Variants in NECAB1 observed in about 807,000 individuals in gnomAD.
The protein encoded by NECAB1 is N-terminal EF-hand calcium-binding protein 1.
Under a neutral mutation model 57.5 loss-of-function variants are expected in NECAB1, and 29 were observed. The ratio of observed to expected loss-of-function variants is 0.50; its 90% CI spans 0.38 to 0.69. The LOEUF (loss-of-function observed/expected upper bound fraction) is 0.69, where lower values mean the gene tolerates loss of function less well. Ranked by LOEUF, NECAB1 falls within the 30% of genes least tolerant of loss-of-function variation. NECAB1 has a pLI of 0.00. For missense variants in NECAB1, 372 were observed against 413.8 expected (o/e 0.90, Z 0.88); for synonymous variants, 142 against 147.7 (o/e 0.96, Z 0.28).
At chr8:90,824,586 C>T (rs1402003189) in intron 2 of NECAB1, 131 bp from the exon 3 acceptor site, 1 of 494,280 alleles carries the variant, frequency 2.0e-6, no homozygotes, top group East Asian at 3.2e-5. Context: ...CTTTTTAACA[C>T]CTTCAGCTGT....
intron 3 of NECAB1, among the ~76,000 whole-genome samples, chr8:90,864,644 G>C (rs1364529775): frequency 1.3e-5 from 2 of 151,818 alleles, no homozygotes; most frequent in Admixed American, 6.6e-5. Context: ...AAGATTTGGG[G>C]TCATTATTAT....
chr8:90,874,787 C>T (rs1472690410), intron 4 of NECAB1, among the ~76,000 whole-genome samples: 1 of 152,114 alleles, frequency 6.6e-6, no homozygotes. Context: ...ATACATTATT[C>T]TCACACTCAC....
At chr8:90,929,794 G>T (rs939228326) in intron 8 of NECAB1, among the ~76,000 whole-genome samples, 2 of 151,910 alleles carry the variant, frequency 1.3e-5, no homozygotes, top group South Asian at 2.1e-4. Flanking sequence ...TAAAATTTCA[G>T]TAGAGGATAG....
intron 9 of NECAB1, among the ~76,000 whole-genome samples, chr8:90,937,120 T>C (rs1328327850): frequency 1.3e-5 from 2 of 152,174 alleles, no homozygotes; most frequent in East Asian, 3.8e-4. Flanking sequence ...CTGTTGAGTT[T>C]CCAGGGCCAC....
At chr8:90,833,987 A>AC (rs1342685248) in intron 3 of NECAB1, among the ~76,000 whole-genome samples, 1 of 151,876 alleles carries the variant, frequency 6.6e-6, no homozygotes, top group Non-Finnish European at 1.5e-5. Context: ...ACATGGTGAA[A>AC]CCCCACCTCT....
intron 2 of NECAB1, among the ~76,000 whole-genome samples, chr8:90,811,666 ACT>A: frequency 6.6e-6 from 1 of 152,120 alleles, no homozygotes; most frequent in Non-Finnish European, 1.5e-5. Flanking sequence ...TTCAGAAATT[ACT>A]CTCTTTATCT....
intron 4 of NECAB1, among the ~76,000 whole-genome samples, chr8:90,875,451 G>A (rs1808700637): frequency 1.6e-5 from 2 of 123,152 alleles, no homozygotes; most frequent in Admixed American, 1.1e-4. Context: ...ACTGCAGTCC[G>A]CAGTCCGGCC....
intron 3 of NECAB1, among the ~76,000 whole-genome samples, chr8:90,848,645 A>G (rs1486612077): frequency 6.6e-6 from 1 of 152,214 alleles, no homozygotes. Flanking sequence ...CACTTCTTAC[A>G]TGGTAGCAGG....
chr8:90,820,365 A>C (rs899797278), intron 2 of NECAB1, among the ~76,000 whole-genome samples: 2 of 152,030 alleles, frequency 1.3e-5, no homozygotes, highest in African/African-American at 4.8e-5. Flanking sequence ...CAAATATATG[A>C]CATGTAAAGG....
intron 12 of NECAB1, among the ~76,000 whole-genome samples, chr8:90,952,645 G>T (rs1810944273): frequency 6.6e-6 from 1 of 151,728 alleles, no homozygotes; most frequent in Non-Finnish European, 1.5e-5. Context: ...GGCATGGTGG[G>T]GCATGCCTGT....
intron 12 of NECAB1, among the ~76,000 whole-genome samples, chr8:90,952,820 A>AAAATG (rs1563548110): frequency 3.3e-5 from 5 of 152,028 alleles, no homozygotes; most frequent in African/African-American, 1.2e-4. Flanking sequence ...AAAATAAAAT[A>AAAATG]GGGAGAAAAA....
intron 3 of NECAB1, 43 bp from the exon 4 acceptor site, chr8:90,872,085 T>A: frequency 6.8e-7 from 1 of 1,479,344 alleles, no homozygotes; most frequent in Non-Finnish European, 9.2e-7. Flanking sequence ...TTAAAAATAT[T>A]ACCAAAGTAA....
chr8:90,928,426 GA>G (rs1292050134), intron 8 of NECAB1, 127 bp downstream of exon 8: 2 of 627,092 alleles, frequency 3.2e-6, no homozygotes, highest in East Asian at 6.4e-5. Context: ...ATGATTCTAT[GA>G]ATGGCTGCTT....
intron 3 of NECAB1, among the ~76,000 whole-genome samples, chr8:90,825,736 T>A (rs58942247): frequency 0.15 from 23,185 of 151,896 alleles, 3,234 homozygotes; most frequent in African/African-American, 0.38. Flanking sequence ...TTACTCAAGC[T>A]GTTGAATATT....
At chr8:90,901,225 GTCTC>G (rs1355929958) in intron 5 of NECAB1, among the ~76,000 whole-genome samples, 3 of 136,668 alleles carry the variant, frequency 2.2e-5, no homozygotes, top group African/African-American at 6.3e-5. Context: ...TATGATTTAA[GTCTC>G]TCTGTTAAAA....
At chr8:90,795,373 T>TC (rs983388593) in intron 1 of NECAB1, among the ~76,000 whole-genome samples, 1 of 152,168 alleles carries the variant, frequency 6.6e-6, no homozygotes, top group Admixed American at 6.5e-5. Flanking sequence ...AAGTGACTGT[T>TC]CCCCACTTCA....
Position 90,929,635 on chromosome 8 carries a change from G to A in NECAB1, c.693+1336G>A, listed in dbSNP as rs572442419. 3.3e-5 allele frequency among the ~76,000 whole-genome samples: 5 copies of A among 152,252 alleles called. No individual in the cohort carries two copies. In the South Asian group the frequency reaches 1.0e-3, roughly 32 times the overall value. On this transcript the variant is annotated intron_variant, in intron 8 of 12. Coordinates refer to ENST00000417640, the MANE Select transcript of NECAB1 (RefSeq NM_022351.5). ...CATTGCTGGCCTCCTGGATAGGGGA[G>A]GGGGAAAAGTCTTGATAACAATCCC...
intron 12 of NECAB1, among the ~76,000 whole-genome samples, chr8:90,954,969 T>C (rs774234747): frequency 1.4e-5 from 2 of 142,700 alleles, no homozygotes; most frequent in African/African-American, 2.5e-5. Context: ...TATATGTATA[T>C]ATTATGTGTG....
chr8:90,792,258 A>G (rs1052630684), intron 1 of NECAB1, among the ~76,000 whole-genome samples: 2 of 152,198 alleles, frequency 1.3e-5, no homozygotes, highest in Admixed American at 6.5e-5. Flanking sequence ...TGCAAATACA[A>G]CAGACAACAT....
Sources: allele counts gnomAD v4.1 joint callset (sites outside exome capture counted in the v4.1 genomes callset), GRCh38; gene constraint gnomAD v4.1.1; transcripts MANE v1.5; gene names NCBI Gene and HGNC (gene_info 2026-07-23, HGNC 2026-07-21).